LUZP2: variants seen among roughly 807,000 people sequenced by gnomAD.
LUZP2 encodes the protein leucine zipper protein 2.
A neutral mutation model predicts 51.6 loss-of-function variants in LUZP2; 52 were observed. The observed-to-expected ratio is 1.01, with a 90% CI of 0.81 to 1.27. LUZP2 has a LOEUF of 1.27. Among genes scored for constraint, LUZP2 ranks in the 50% most tolerant of loss-of-function variants. LUZP2 has a pLI of 0.00. For missense variants in LUZP2, 436 were observed against 395.4 expected (o/e 1.10, Z -0.87); for synonymous variants, 154 against 137.3 (o/e 1.12, Z -0.85).
chr11:24,757,201 G>A (rs1859808612), intron 4 of LUZP2, among the ~76,000 whole-genome samples: 1 of 152,068 alleles, frequency 6.6e-6, no homozygotes, highest in African/African-American at 2.4e-5. Context: ...CCGACAAACT[G>A]CCTATATTTC....
intron 5 of LUZP2, among the ~76,000 whole-genome samples, chr11:24,867,807 G>C (rs1406070031): frequency 6.6e-6 from 1 of 152,110 alleles, no homozygotes; most frequent in Non-Finnish European, 1.5e-5. Flanking sequence ...ATCAGTAGTT[G>C]TCAAACTATG....
chr11:24,730,630 C>A (rs1382432371), intron 2 of LUZP2, among the ~76,000 whole-genome samples: 1 of 151,726 alleles, frequency 6.6e-6, no homozygotes, highest in African/African-American at 2.4e-5. Flanking sequence ...ACAAAGAAAC[C>A]TGTACCTTCT....
At chr11:24,727,554 C>G (rs373704136) in intron 1 of LUZP2, among the ~76,000 whole-genome samples, 54 of 151,996 alleles carry the variant, frequency 3.6e-4, no homozygotes, top group Middle Eastern at 3.4e-3. Flanking sequence ...ATTATGGTCA[C>G]TTAAGATGAT....
rs1348532982 is a variant in LUZP2 at position 24,738,851 on chromosome 11, CTTACTACGAATAT to C, written c.333+554_333+566del. 2.0e-5 allele frequency among the ~76,000 whole-genome samples: 3 copies of C among 152,196 alleles called. No individual in the cohort carries two copies. The South Asian group carries it at 6.2e-4, about 32-fold the overall frequency. ...TTCCCTTGACCCCACCGTTTCAGCT[CTTACTACGAATAT>C]TTACCACAGGCAGGAGGGATGGTGT... On this transcript the variant is annotated intron_variant, in intron 4 of 11. Transcript: ENST00000336930.
At chr11:24,982,705 AC>A (rs539087898) in intron 8 of LUZP2, among the ~76,000 whole-genome samples, 40 of 151,798 alleles carry the variant, frequency 2.6e-4, no homozygotes, top group South Asian at 2.3e-3. Flanking sequence ...TGTACAACAA[AC>A]CCTCATGACA....
At chr11:24,588,414 A>C (rs778068146) in intron 1 of LUZP2, among the ~76,000 whole-genome samples, 2 of 152,130 alleles carry the variant, frequency 1.3e-5, no homozygotes, top group Non-Finnish European at 2.9e-5. Flanking sequence ...TAGCCCTTTC[A>C]AAGTGTCAAG....
intron 5 of LUZP2, among the ~76,000 whole-genome samples, chr11:24,844,145 T>C (rs1027097644): frequency 6.6e-6 from 1 of 152,176 alleles, no homozygotes; most frequent in African/African-American, 2.4e-5. Context: ...TGGGAAAGTT[T>C]GAAACTCCAT....
chr11:24,712,825 A>G (rs1426838048), intron 1 of LUZP2, among the ~76,000 whole-genome samples: 2 of 152,178 alleles, frequency 1.3e-5, no homozygotes, highest in Non-Finnish European at 1.5e-5. Context: ...AAATATTTTT[A>G]TCTATGATTA....
At position 24,649,762 on chromosome 11, in the gene LUZP2, C is replaced by T. The variant is rs185497967; in HGVS notation, c.63-79407C>T. On this transcript the variant is annotated intron_variant, in intron 1 of 11. Transcript: ENST00000336930. ...GACCATTTCTATCAGAGGCAAAAGG[C>T]CGTCCTCACATATAATCTCAAGTTG... is the stretch of plus-strand genomic sequence containing the variant. Among the ~76,000 whole-genome samples, 481 of 151,944 alleles carry T rather than the reference C, an allele frequency of 3.2e-3. 6 individuals are homozygous for T. The highest frequency in any genetic ancestry group is 9.1e-3 in the South Asian group (44 of 4,824).
chr11:24,722,696 T>C (rs1399963139), intron 1 of LUZP2, among the ~76,000 whole-genome samples: 3 of 152,080 alleles, frequency 2.0e-5, no homozygotes, highest in South Asian at 2.1e-4. Context: ...GGCAGGAGGA[T>C]CATTTGAGGT....
chr11:24,557,798 G>T (rs1232154926), intron 1 of LUZP2, among the ~76,000 whole-genome samples: 1 of 152,080 alleles, frequency 6.6e-6, no homozygotes, highest in Non-Finnish European at 1.5e-5. Context: ...GGGTGAATCT[G>T]AATGTCAACT....
chr11:24,653,451 G>C (rs1855699770), intron 1 of LUZP2, among the ~76,000 whole-genome samples: 1 of 152,086 alleles, frequency 6.6e-6, no homozygotes, highest in South Asian at 2.1e-4. Flanking sequence ...TTTGATTTTG[G>C]ATATGAATGT....
At chr11:24,564,043 C>A (rs1852140676) in intron 1 of LUZP2, among the ~76,000 whole-genome samples, 1 of 152,142 alleles carries the variant, frequency 6.6e-6, no homozygotes, top group South Asian at 2.1e-4. Flanking sequence ...TTTCAGTTTA[C>A]TTGTGTCTTA....
chr11:24,921,361 C>T (rs1854047823), intron 7 of LUZP2, among the ~76,000 whole-genome samples: 1 of 152,046 alleles, frequency 6.6e-6, no homozygotes, highest in Non-Finnish European at 1.5e-5. Context: ...AGAAACCTGG[C>T]CCTCCCACCT....
intron 5 of LUZP2, among the ~76,000 whole-genome samples, chr11:24,837,974 A>G (rs1376975021): frequency 1.3e-5 from 2 of 151,702 alleles, no homozygotes. Flanking sequence ...GGACAATCTA[A>G]TAACAGGTAA....
intron 1 of LUZP2, among the ~76,000 whole-genome samples, chr11:24,671,239 A>G (rs10767235): frequency 0.27 from 40,955 of 151,170 alleles, 6,401 homozygotes; most frequent in Admixed American, 0.39. Context: ...TTTTCTTCCT[A>G]TAGATCTTAT....
rs1385771113 is a variant in LUZP2, at chr11:24,611,210, G to A, written c.62+113905G>A. On this transcript the variant is annotated intron_variant, in intron 1 of 11. Transcript: ENST00000336930. The surrounding 1 kb of genome is among the most constrained non-coding windows in gnomAD (Gnocchi z 4.6). Reference sequence around the variant, plus strand: ...AAATAGTCAACTTTTACTTTGTGCCGAGGTTGTGCTAGCTACTAAGACTGT... The same window carrying A: ...AAATAGTCAACTTTTACTTTGTGCCAAGGTTGTGCTAGCTACTAAGACTGT... Among the ~76,000 whole-genome samples the A allele has an allele frequency of 1.3e-5, 2 of 152,002 alleles. No homozygotes were observed. Among genetic ancestry groups the A allele is most frequent in the Admixed American group, 6.6e-5 (1 of 15,264 alleles).
chr11:24,652,797 G>A (rs891898844), intron 1 of LUZP2, among the ~76,000 whole-genome samples: 1 of 151,962 alleles, frequency 6.6e-6, no homozygotes, highest in Non-Finnish European at 1.5e-5. Flanking sequence ...GATGCTGTAT[G>A]CATTTTGACA....
intron 5 of LUZP2, among the ~76,000 whole-genome samples, chr11:24,854,193 A>T (rs944096259): frequency 6.6e-6 from 1 of 152,212 alleles, no homozygotes. Flanking sequence ...AGGCAGGAAT[A>T]TTTAAGTCTG....
Sources: allele counts gnomAD v4.1 joint callset (sites outside exome capture counted in the v4.1 genomes callset), GRCh38; gene constraint gnomAD v4.1.1; non-coding constraint Gnocchi (gnomAD v3.1); transcripts MANE v1.5; gene names NCBI Gene and HGNC (gene_info 2026-07-23, HGNC 2026-07-21).